MROH2A: variants seen among roughly 807,000 people sequenced by gnomAD.
MROH2A encodes maestro heat-like repeat-containing protein family member 2A.
Under a neutral mutation model 200.4 loss-of-function variants are expected in MROH2A, and 174 were observed. The observed-to-expected ratio is 0.87, with a 90% CI of 0.77 to 0.98. The LOEUF (loss-of-function observed/expected upper bound fraction) is 0.98, where lower values mean the gene tolerates loss of function less well. MROH2A is among the 50% of genes least tolerant of loss of function. The pLI is 0.00. For synonymous variants in MROH2A, 829 were observed against 840.4 expected, an observed-to-expected ratio of 0.99 and a Z score of 0.23; for missense variants, 2,045 against 2,139.6, an observed-to-expected ratio of 0.96 and a Z score of 0.87.
At chr2:233,812,556 A>AT (rs748439902) in intron 24 of MROH2A, among the ~76,000 whole-genome samples, 34 of 152,254 alleles carry the variant, frequency 2.2e-4, no homozygotes, top group Admixed American at 4.6e-4. Context: ...AAACAGGCAG[A>AT]TTTTAAAATA....
At chr2:233,814,730 G>T in intron 26 of MROH2A, 53 bp downstream of exon 26, 2 of 1,268,956 alleles carry the variant, frequency 1.6e-6, no homozygotes, top group Non-Finnish European at 2.2e-6. Context: ...CTCCCCAGAA[G>T]CTGGACTGAG....
At chr2:233,832,853 CTG>C (rs1049389258) in intron 41 of MROH2A, among the ~76,000 whole-genome samples, 2 of 152,204 alleles carry the variant, frequency 1.3e-5, no homozygotes, top group Non-Finnish European at 2.9e-5. Context: ...ATTCCCTGGG[CTG>C]TTTCTCCCAT....
intron 18 of MROH2A, 87 bp downstream of exon 18, chr2:233,804,634 G>A (rs1212449369): frequency 8.0e-7 from 1 of 1,249,150 alleles, no homozygotes; most frequent in African/African-American, 1.5e-5. Flanking sequence ...GGGCACATGA[G>A]GAGTTTAGAA....
Position 233,823,545 on chromosome 2 carries a change from C to G in MROH2A, c.4005-11C>G, listed in dbSNP as rs940012402. 3.9e-6 allele frequency: 6 copies of G among 1,548,950 alleles called. No homozygotes were observed. The highest frequency in any genetic ancestry group is 1.4e-5 in the African/African-American group (1 of 73,024). ...CCGCCTCCACGACCTGGCACTGTCT[C>G]TCCTCTGCAGGCTGTGCATGCAGCA... On this transcript the variant is annotated splice_polypyrimidine_tract_variant and intron_variant, in intron 34 of 41. Transcript: ENST00000389758.
chr2:233,781,589 T>G (rs1559429751), intron 3 of MROH2A, among the ~76,000 whole-genome samples: 1 of 152,138 alleles, frequency 6.6e-6, no homozygotes, highest in East Asian at 1.9e-4. Context: ...TTGATTTTTT[T>G]GCTATTGAGT....
intron 5 of MROH2A, among the ~76,000 whole-genome samples, chr2:233,791,514 G>T (rs555068070): frequency 6.6e-6 from 1 of 152,228 alleles, no homozygotes; most frequent in South Asian, 2.1e-4. Context: ...GAGGTGAAGG[G>T]GGCAGTTGAT....
At chr2:233,803,599 C>T in intron 16 of MROH2A, 111 bp downstream of exon 16, 1 of 1,154,044 alleles carries the variant, frequency 8.7e-7, no homozygotes, top group Non-Finnish European at 1.2e-6. Context: ...AGCTGAGGTG[C>T]AATGAGGGAG....
At chr2:233,830,272 G>C (rs185241500) in intron 38 of MROH2A, among the ~76,000 whole-genome samples, 1 of 152,172 alleles carries the variant, frequency 6.6e-6, no homozygotes, top group African/African-American at 2.4e-5. Flanking sequence ...TCTCATTTGA[G>C]TTGCTGCCTC....
rs1485687832 is a variant in MROH2A at position 233,799,230 on chromosome 2, T to C, written c.1329+380T>C. On this transcript the variant is annotated intron_variant, in intron 12 of 41. Transcript: ENST00000389758. ...AAGGCTGAAAACCACAGTCCCAGGC[T>C]CCATGGCAGCCACATCCACCTTGGA... Among the ~76,000 whole-genome samples the C allele has an allele frequency of 6.6e-5, 10 of 152,236 alleles. No individual in the cohort carries two copies. In the East Asian group the frequency reaches 1.9e-3, roughly 29 times the overall value.
In MROH2A at chr2:233,823,572, G is replaced by C; in HGVS notation, c.4021G>C (p.Val1341Leu). 6.5e-7 allele frequency: 1 copy of C among 1,550,252 alleles called. No individual in the cohort carries two copies. The highest frequency in any genetic ancestry group is 8.7e-7 in the Non-Finnish European group (1 of 1,146,968). ...SLLARLCMQH[V>L]EGHRQRLAEL... ...CCTCTGCAGGCTGTGCATGCAGCAC[G>C]TGGAGGGCCACAGGCAGAGGCTGGC... The change falls in exon 35 of 42, where the codon GTG becomes CTG. Residue 1341 changes from valine to leucine, a missense_variant. Coordinates refer to ENST00000389758, the MANE Select transcript of MROH2A (RefSeq NM_001394639.1).
intron 7 of MROH2A, 22 bp downstream of exon 7, chr2:233,793,846 A>G (rs570895994): frequency 1.5e-6 from 2 of 1,379,014 alleles, no homozygotes; most frequent in African/African-American, 3.0e-5. Flanking sequence ...CCCTCTTAGG[A>G]GGGCCTGGTG....
chr2:233,779,218 G>A lies in MROH2A; in HGVS notation c.-14-127G>A. On this transcript the variant is annotated intron_variant, in intron 1 of 41. Transcript: ENST00000389758. ...CACCTTTGCCATATTCTGTTGATTA[G>A]AAGGAAGTCACAGGTTCCACCCACA... 6.3e-6 allele frequency: 4 copies of A among 639,208 alleles called. No homozygotes were observed. The South Asian group carries it at 7.6e-5, about 12-fold the overall frequency. 39.6% of individuals were successfully genotyped at this position (639,208 alleles called of 1,614,324 possible). A position where few individuals can be genotyped will look rare whatever the true frequency, so the allele number is the denominator to read the frequency against.
At chr2:233,793,239 T>C (rs1701896627) in intron 6 of MROH2A, among the ~76,000 whole-genome samples, 1 of 152,234 alleles carries the variant, frequency 6.6e-6, no homozygotes, top group African/African-American at 2.4e-5. Flanking sequence ...CGGCTCCATG[T>C]GGAGCTTGAC....
At chr2:233,790,365 T>C in intron 5 of MROH2A, among the ~76,000 whole-genome samples, 1 of 137,308 alleles carries the variant, frequency 7.3e-6, no homozygotes, top group African/African-American at 2.8e-5. Flanking sequence ...CCCTCCCCCT[T>C]TTTCTCCTTC....
rs1384020533 is a variant in MROH2A, at chr2:233,822,888, A to G, written c.3874A>G (p.Ile1292Val). 6.5e-6 allele frequency: 10 copies of G among 1,550,352 alleles called. No homozygotes were observed. Among genetic ancestry groups the G allele is most frequent in the Non-Finnish European group, 8.7e-6 (10 of 1,146,938 alleles). ...PEEMNLQRVT[I>V]KSMQLLFKRV... ...GCTCCCACCTCCCTTCAGGGTCACT[A>G]TCAAGTCCATGCAGCTCTTGTTCAA... Residue 1292 changes from isoleucine to valine, a missense_variant, in exon 34 of 42, where the codon ATC becomes GTC. Ile to Val is a conservative substitution (Grantham distance 29). Coordinates refer to ENST00000389758, the MANE Select transcript of MROH2A (RefSeq NM_001394639.1).
In MROH2A at chr2:233,818,712, G is replaced by A; in HGVS notation, c.3146G>A (p.Gly1049Glu). 18 of 1,550,400 alleles carry A rather than the reference G, an allele frequency of 1.2e-5. No homozygotes were observed. The highest frequency in any genetic ancestry group is 1.6e-5 in the Non-Finnish European group (18 of 1,146,882). Residue 1049 changes from glycine (G) to glutamate (E), a missense_variant, in exon 29 of 42, where the codon GGG becomes GAG. Physicochemically the swap from Gly to Glu is moderately conservative, Grantham distance 98 (BLOSUM62 -2). Around this residue, in one of 3 missense-constraint regions of MROH2A, gnomAD observed 1,201 missense variants for 1,311.3 expected, o/e 0.92. Coordinates refer to ENST00000389758, the MANE Select transcript of MROH2A (RefSeq NM_001394639.1). Reference protein sequence around the residue: ...SKQKELEKCKGDLQSTDVEKI... With the variant: ...SKQKELEKCKEDLQSTDVEKI... ...CAGAAGGAGCTTGAGAAATGTAAGG[G>A]GGACCTCCAGAGCACAGATGTGGAG... is the stretch of plus-strand genomic sequence containing the variant.
chr2:233,789,351 T>G, intron 3 of MROH2A, 146 bp from the exon 4 acceptor site: 2 of 837,786 alleles, frequency 2.4e-6, no homozygotes, highest in South Asian at 4.4e-5. Context: ...AGCAGGAGGA[T>G]TTAGAAATGG....
Position 233,789,494 on chromosome 2 carries a change from C to A in MROH2A, c.277-3C>A. 1 of 1,413,542 alleles carries A rather than the reference C, an allele frequency of 7.1e-7. No individual in the cohort carries two copies. The highest frequency in any genetic ancestry group is 1.7e-5 in the South Asian group (1 of 59,322). The allele number at this position is 1,413,542 out of a possible 1,614,324, so 87.6% of individuals were successfully genotyped here. A position where few individuals can be genotyped will look rare whatever the true frequency, so the allele number is the denominator to read the frequency against. On this transcript the variant is annotated splice_polypyrimidine_tract_variant and splice_region_variant and intron_variant, in intron 3 of 41. Transcript: ENST00000389758. ...CATTCCACCCACCATACTTGTTTCC[C>A]AGATTTCCACCCAGCGCAAGGTCAA...
chr2:233,831,300 G>T, intron 38 of MROH2A, 109 bp from the exon 39 acceptor site: 2 of 1,364,408 alleles, frequency 1.5e-6, no homozygotes, highest in Non-Finnish European at 9.6e-7. Flanking sequence ...CCTTTCTTTG[G>T]CTTGGTGAGG....
Sources: gnomAD v4.1 joint callset for allele counts (sites outside exome capture counted in the v4.1 genomes callset) on GRCh38, gnomAD v4.1.1 for gene constraint, gnomAD v4.1.1 regional missense constraint, MANE v1.5 for transcripts, NCBI Gene and HGNC (gene_info 2026-07-23, HGNC 2026-07-21) for gene names.